The following OR9Q1 variants were observed in gnomAD, a reference collection of about 807,000 sequenced individuals.
The protein encoded by OR9Q1 is olfactory receptor family 9 subfamily Q member 1, also known as olfactory receptor 9Q1.
For synonymous variants in OR9Q1, 153 were observed against 148.6 expected (o/e 1.03, Z -0.22); for missense variants, 374 against 378.8 (o/e 0.99, Z 0.11).
intron 2 of OR9Q1, among the ~76,000 whole-genome samples, chr11:58,080,764 C>G (rs529587033): frequency 6.6e-6 from 1 of 152,010 alleles, no homozygotes; most frequent in African/African-American, 2.4e-5. Context: ...TTTTTCCATA[C>G]GTTTGTTGAC....
At position 58,180,900 on chromosome 11, in the gene OR9Q1, A is replaced by C. The variant is rs1026375014; in HGVS notation, c.*523A>C. Reference sequence around the variant, plus strand: ...GTGAGTTCCGGACATCAGCATTAGTACCCTTTACTTCTATGCACTTCAGAA... The same window carrying C: ...GTGAGTTCCGGACATCAGCATTAGTCCCCTTTACTTCTATGCACTTCAGAA... On this transcript the variant is annotated 3_prime_UTR_variant, in exon 3 of 3. Coordinates refer to ENST00000335397, the MANE Select transcript of OR9Q1 (RefSeq NM_001005212.4). 1.8e-5 allele frequency: 3 copies of C among 167,094 alleles called. No individual in the cohort carries two copies. The highest frequency in any genetic ancestry group is 7.2e-5 in the African/African-American group (3 of 41,398). The allele number at this position is 167,094 out of a possible 1,614,324, so 10.4% of individuals were successfully genotyped here. A position where few individuals can be genotyped will look rare whatever the true frequency, so the allele number is the denominator to read the frequency against.
intron 1 of OR9Q1, chr11:58,031,028 C>T (rs1853027449): frequency 6.2e-7 from 1 of 1,613,970 alleles, no homozygotes; most frequent in Non-Finnish European, 8.5e-7. Context: ...CCATGAAGCA[C>T]ACCTCCTCTT....
At chr11:58,100,743 G>C (rs981297305) in intron 2 of OR9Q1, among the ~76,000 whole-genome samples, 1 of 151,834 alleles carries the variant, frequency 6.6e-6, no homozygotes, top group African/African-American at 2.4e-5. Flanking sequence ...TATTTTTACA[G>C]AGTATAGAAT....
intron 2 of OR9Q1, among the ~76,000 whole-genome samples, chr11:58,158,271 C>A (rs1337741745): frequency 6.6e-6 from 1 of 152,192 alleles, no homozygotes; most frequent in African/African-American, 2.4e-5. Context: ...TTCTCACCAC[C>A]AGACTGACCA....
intron 1 of OR9Q1, among the ~76,000 whole-genome samples, chr11:58,034,696 G>A (rs991298387): frequency 2.1e-5 from 3 of 144,376 alleles, no homozygotes; most frequent in African/African-American, 7.8e-5. Context: ...TGAAGATAGA[G>A]CATGGAGGAG....
At chr11:58,143,802 C>T (rs554373243) in intron 2 of OR9Q1, among the ~76,000 whole-genome samples, 1 of 152,032 alleles carries the variant, frequency 6.6e-6, no homozygotes, top group Admixed American at 6.6e-5. Flanking sequence ...ACCACCATGA[C>T]ACACATTTAC....
intron 1 of OR9Q1, among the ~76,000 whole-genome samples, chr11:58,026,366 G>T (rs142127361): frequency 6.6e-6 from 1 of 152,132 alleles, no homozygotes; most frequent in East Asian, 1.9e-4. Context: ...ATATTCAATG[G>T]TACATGTGCA....
chr11:58,147,595 G>A (rs1228541855), intron 2 of OR9Q1, among the ~76,000 whole-genome samples: 1 of 152,134 alleles, frequency 6.6e-6, no homozygotes, highest in African/African-American at 2.4e-5. Flanking sequence ...CTATAAATGA[G>A]TGATCTTTGA....
At chr11:58,115,847 A>G (rs544944225) in intron 2 of OR9Q1, among the ~76,000 whole-genome samples, 1 of 152,310 alleles carries the variant, frequency 6.6e-6, no homozygotes, top group African/African-American at 2.4e-5. Context: ...TCAGACAAAG[A>G]TAAATAGAAT....
intron 2 of OR9Q1, among the ~76,000 whole-genome samples, chr11:58,178,528 A>C (rs1251498492): frequency 6.6e-6 from 1 of 152,202 alleles, no homozygotes; most frequent in African/African-American, 2.4e-5. Flanking sequence ...ATGTTGTTCT[A>C]ATCCAGGTGA....
chr11:58,064,408 C>A (rs748912609), intron 2 of OR9Q1, among the ~76,000 whole-genome samples: 2 of 152,156 alleles, frequency 1.3e-5, no homozygotes, highest in Non-Finnish European at 2.9e-5. Context: ...GTGTGCCCAG[C>A]CAGAGTATTT....
intron 2 of OR9Q1, among the ~76,000 whole-genome samples, chr11:58,074,454 GT>G (rs933736717): frequency 2.7e-5 from 4 of 150,688 alleles, no homozygotes; most frequent in Non-Finnish European, 1.5e-5. Context: ...TGATGGAGTT[GT>G]TTTTTTTTCT....
intron 1 of OR9Q1, among the ~76,000 whole-genome samples, chr11:58,035,980 C>T (rs1264256100): frequency 6.8e-6 from 1 of 147,288 alleles, no homozygotes; most frequent in Non-Finnish European, 1.5e-5. Flanking sequence ...AGATTTGTAG[C>T]AATTCTGTGT....
chr11:58,134,592 T>C (rs1274333733), intron 2 of OR9Q1, among the ~76,000 whole-genome samples: 1 of 152,148 alleles, frequency 6.6e-6, no homozygotes, highest in Non-Finnish European at 1.5e-5. Flanking sequence ...AGGAGAAGTG[T>C]AAGAGATTTA....
intron 2 of OR9Q1, among the ~76,000 whole-genome samples, chr11:58,059,269 A>G (rs1042758559): frequency 1.3e-5 from 2 of 152,214 alleles, no homozygotes; most frequent in African/African-American, 2.4e-5. Flanking sequence ...TATACATTGT[A>G]TAATTCTTGG....
At chr11:58,024,652 T>C (rs760037258) in intron 1 of OR9Q1, among the ~76,000 whole-genome samples, 5 of 152,170 alleles carry the variant, frequency 3.3e-5, no homozygotes, top group Non-Finnish European at 5.9e-5. Context: ...TCTCCTTATT[T>C]AGTGATTGCC....
At chr11:58,175,865 T>C (rs1854602059) in intron 2 of OR9Q1, among the ~76,000 whole-genome samples, 1 of 152,056 alleles carries the variant, frequency 6.6e-6, no homozygotes, top group Non-Finnish European at 1.5e-5. Context: ...ACAAAATGCC[T>C]ATGAATTTGT....
At chr11:58,120,803 C>CATATATATATATATATATATAT (rs61634454) in intron 2 of OR9Q1, among the ~76,000 whole-genome samples, 18 of 132,668 alleles carry the variant, frequency 1.4e-4, no homozygotes, top group South Asian at 2.5e-4. Context: ...ATTTCAATAC[C>CATATATATATATATATATATAT]ATATATATAT....
intron 1 of OR9Q1, among the ~76,000 whole-genome samples, chr11:58,055,411 G>C (rs189349815): frequency 6.6e-6 from 1 of 152,160 alleles, no homozygotes; most frequent in Non-Finnish European, 1.5e-5. Flanking sequence ...TAAAATTCAT[G>C]TTGAAACTTA....
Sources: allele counts gnomAD v4.1 joint callset (sites outside exome capture counted in the v4.1 genomes callset), GRCh38; gene constraint gnomAD v4.1.1; transcripts MANE v1.5; gene names NCBI Gene and HGNC (gene_info 2026-07-23, HGNC 2026-07-21).